CSTPP1: variants seen among roughly 807,000 people sequenced by gnomAD.
The protein encoded by CSTPP1 is centriolar satellite-associated tubulin polyglutamylase complex regulator 1.
At chr11:46,947,103 A>G in the CSTPP1 span, among the ~76,000 whole-genome samples, 3 of 152,356 alleles carry the variant, frequency 2.0e-5, no homozygotes, top group South Asian at 4.1e-4. Context: ...GGTTGATACC[A>G]TAGTTTCTGT....
the CSTPP1 span, among the ~76,000 whole-genome samples, chr11:46,961,674 A>G: frequency 2.0e-5 from 3 of 152,156 alleles, no homozygotes; most frequent in African/African-American, 7.2e-5. Flanking sequence ...CTTTGTACCT[A>G]TTTTTTATTC....
At chr11:46,986,263 C>T in the CSTPP1 span, among the ~76,000 whole-genome samples, 1 of 152,194 alleles carries the variant, frequency 6.6e-6, no homozygotes, top group Non-Finnish European at 1.5e-5. Context: ...ATTATACGCC[C>T]ATGATTAACT....
chr11:47,022,124 G>T, the CSTPP1 span, among the ~76,000 whole-genome samples: 1 of 139,888 alleles, frequency 7.1e-6, no homozygotes, highest in Non-Finnish European at 1.5e-5. Context: ...CAGACATGTG[G>T]AAAGCATACC....
chr11:47,105,728 G>T, the CSTPP1 span, among the ~76,000 whole-genome samples: 4 of 152,118 alleles, frequency 2.6e-5, no homozygotes, highest in Non-Finnish European at 5.9e-5. Context: ...CTCAGATTTC[G>T]ATCTGTCTAA....
chr11:46,960,760 G>A, the CSTPP1 span, among the ~76,000 whole-genome samples: 3 of 152,114 alleles, frequency 2.0e-5, no homozygotes, highest in South Asian at 2.1e-4. Context: ...TCTGAGGCAG[G>A]AGAACTGCTT....
the CSTPP1 span, among the ~76,000 whole-genome samples, chr11:47,157,440 G>A: frequency 6.6e-6 from 1 of 152,222 alleles, no homozygotes; most frequent in Non-Finnish European, 1.5e-5. Context: ...GACCACTGTA[G>A]TTGACCAATT....
chr11:46,996,326 C>T, the CSTPP1 span, among the ~76,000 whole-genome samples: 133 of 148,762 alleles, frequency 8.9e-4, 1 homozygote, highest in African/African-American at 2.8e-3. Flanking sequence ...TTTTTTGAGA[C>T]GGAGTTTCGC....
the CSTPP1 span, among the ~76,000 whole-genome samples, chr11:47,103,243 C>CA: frequency 6.6e-6 from 1 of 151,632 alleles, no homozygotes; most frequent in African/African-American, 2.4e-5. Context: ...ACAAAAAATA[C>CA]AAAAAAATTA....
the CSTPP1 span, among the ~76,000 whole-genome samples, chr11:46,963,602 G>A: frequency 2.2e-4 from 33 of 152,016 alleles, no homozygotes; most frequent in Non-Finnish European, 4.1e-4. Context: ...TGGCCAACAT[G>A]GTGAAACCCG....
the CSTPP1 span, among the ~76,000 whole-genome samples, chr11:47,129,547 A>G: frequency 1.5e-3 from 236 of 152,266 alleles, no homozygotes; most frequent in African/African-American, 5.4e-3. Flanking sequence ...GACCTCCCCC[A>G]GAACAAAGCC....
At chr11:47,024,787 T>C in the CSTPP1 span, among the ~76,000 whole-genome samples, 369 of 152,296 alleles carry the variant, frequency 2.4e-3, 1 homozygote, top group African/African-American at 8.1e-3. Flanking sequence ...CCTCTTTCTC[T>C]GTGGTCTTTA....
chr11:47,039,015 A>C, the CSTPP1 span, among the ~76,000 whole-genome samples: 2 of 118,712 alleles, frequency 1.7e-5, 1 homozygote, highest in Non-Finnish European at 4.0e-5. Context: ...CTCACTTCCT[A>C]GATGGGATGG....
At chr11:47,096,811 G>GAA in the CSTPP1 span, among the ~76,000 whole-genome samples, 193 of 118,066 alleles carry the variant, frequency 1.6e-3, 1 homozygote, top group East Asian at 9.1e-3. Flanking sequence ...AGGCCCAGCA[G>GAA]AAAAAAAAAA....
chr11:46,992,343 C>T, the CSTPP1 span, among the ~76,000 whole-genome samples: 1 of 151,686 alleles, frequency 6.6e-6, no homozygotes, highest in African/African-American at 2.4e-5. Flanking sequence ...CACCCATTAA[C>T]TTGTCATTTA....
chr11:47,132,627 G>T, the CSTPP1 span, among the ~76,000 whole-genome samples: 1 of 152,198 alleles, frequency 6.6e-6, no homozygotes, highest in African/African-American at 2.4e-5. Flanking sequence ...TTTGAAGCCA[G>T]GTCATCTGAT....
At chr11:47,020,135 A>G in the CSTPP1 span, among the ~76,000 whole-genome samples, 1 of 152,346 alleles carries the variant, frequency 6.6e-6, no homozygotes, top group Non-Finnish European at 1.5e-5. Context: ...TATGGTCACC[A>G]TATGCCAAGG....
chr11:46,981,887 A>G, the CSTPP1 span, among the ~76,000 whole-genome samples: 6 of 152,122 alleles, frequency 3.9e-5, no homozygotes. Context: ...ATGGTCTCGT[A>G]TGGATGACAA....
the CSTPP1 span, among the ~76,000 whole-genome samples, chr11:47,055,221 C>T: frequency 6.6e-6 from 1 of 152,094 alleles, no homozygotes; most frequent in African/African-American, 2.4e-5. Context: ...GCGTGGGCTA[C>T]CATGCCTGGT....
At chr11:47,152,026 G>A in the CSTPP1 span, among the ~76,000 whole-genome samples, 1 of 152,054 alleles carries the variant, frequency 6.6e-6, no homozygotes, top group Non-Finnish European at 1.5e-5. Context: ...TCTATAGGCG[G>A]ATCACTTGAG....
Sources: allele counts gnomAD v4.1 joint callset (sites outside exome capture counted in the v4.1 genomes callset), GRCh38; gene constraint gnomAD v4.1.1; transcripts MANE v1.5; gene names NCBI Gene and HGNC (gene_info 2026-07-23, HGNC 2026-07-21).